Variants in TMEM248 observed in about 807,000 individuals in gnomAD.
The protein encoded by TMEM248 is UPF0458 protein C7orf42.
A neutral mutation model predicts 30.3 loss-of-function variants in TMEM248; 9 were observed. That is an observed-to-expected ratio of 0.30 (90% CI 0.18 to 0.52). The LOEUF (loss-of-function observed/expected upper bound fraction) is 0.52. Ranked by LOEUF, TMEM248 falls within the 20% of genes least tolerant of loss-of-function variation. The pLI is 0.97. For synonymous variants in TMEM248, 184 were observed against 154.4 expected (o/e 1.19, Z -1.42); for missense variants, 338 against 403.3 (o/e 0.84, Z 1.39).
At position 66,944,428 on chromosome 7, in the gene TMEM248, G is replaced by A. The variant is rs539405044; in HGVS notation, c.160-548G>A. ...CCCCTTCCTTTTTGAAATCGTTGCT[G>A]CTCTAAGGTGTCATCAAAAGTCCAT... On this transcript the variant is annotated intron_variant, in intron 2 of 6. Coordinates refer to ENST00000341567, the MANE Select transcript of TMEM248 (RefSeq NM_017994.5). Among the ~76,000 whole-genome samples the A allele has an allele frequency of 2.1e-3, 313 of 152,176 alleles. 1 individual carries two copies. Among genetic ancestry groups the A allele is most frequent in the Non-Finnish European group, 2.7e-3 (186 of 67,986 alleles).
In TMEM248 at chr7:66,953,253, C is replaced by G. The variant is rs1340507013; in HGVS notation, c.808C>G (p.Leu270Val). Residue 270 changes from leucine to valine, a missense_variant, in exon 6 of 7, where the codon CTC becomes GTC. Physicochemically the swap from Leu to Val is conservative, Grantham distance 32. Transcript: ENST00000341567. ...TGACCGTTCATTAATAAATTTGCATCTCATGCACACCAGTTACTTCCTCTT... is the reference window on the plus strand; with the variant it reads ...TGACCGTTCATTAATAAATTTGCATGTCATGCACACCAGTTACTTCCTCTT... ...DDDRSLINLH[L>V]MHTSYFLFVM... is the part of the protein sequence containing the mutation. 6.2e-7 allele frequency: 1 copy of G among 1,614,060 alleles called. No homozygotes were observed. Among genetic ancestry groups the G allele is most frequent in the African/African-American group, 1.3e-5 (1 of 75,024 alleles).
chr7:66,924,377 G>A (rs1316341083), intron 1 of TMEM248, among the ~76,000 whole-genome samples: 3 of 152,154 alleles, frequency 2.0e-5, no homozygotes. Context: ...GACCTCACTG[G>A]CCTCAGCCTT....
chr7:66,945,113 G>A lies in TMEM248; in HGVS notation c.297G>A (p.Gln99=). The change falls in exon 3 of 7, where the codon CAG becomes CAA. Residue 99 remains glutamine (Q), a synonymous_variant. Transcript: ENST00000341567. ...GCGGGCAGGCCCGAGCTTCCACCCA[G>A]TCCCCCCAGGCCCTGGAGGACTCGG... ...MTSGQARAST[Q]SPQALEDSGP... 2.1e-5 allele frequency: 34 copies of A among 1,614,200 alleles called. No homozygotes were observed. Among genetic ancestry groups the A allele is most frequent in the Non-Finnish European group, 2.9e-5 (34 of 1,180,028 alleles).
chr7:66,935,055 CCAAAAAAA>C (rs572655483), intron 1 of TMEM248, among the ~76,000 whole-genome samples: 20 of 151,110 alleles, frequency 1.3e-4, no homozygotes, highest in Middle Eastern at 3.4e-3. Flanking sequence ...ACTCTTGTGT[CCAAAAAAA>C]CAAAAAAACA....
intron 1 of TMEM248, among the ~76,000 whole-genome samples, chr7:66,931,297 C>CAAAAAAAAA (rs758131446): frequency 1.6e-5 from 1 of 64,380 alleles, no homozygotes; most frequent in African/African-American, 5.7e-5. Context: ...GACAATATCT[C>CAAAAAAAAA]AAAAAAAAAA....
intron 1 of TMEM248, among the ~76,000 whole-genome samples, chr7:66,925,277 T>C (rs1168816728): frequency 6.6e-6 from 1 of 152,118 alleles, no homozygotes; most frequent in Non-Finnish European, 1.5e-5. Flanking sequence ...CATCTTGGCC[T>C]CCCAAAATGC....
chr7:66,938,584 C>T (rs935611852), intron 1 of TMEM248, among the ~76,000 whole-genome samples: 1 of 152,148 alleles, frequency 6.6e-6, no homozygotes, highest in Non-Finnish European at 1.5e-5. Flanking sequence ...TCTCGACTTG[C>T]TGCACCTCCG....
Position 66,945,091 on chromosome 7 carries a change from G to A in TMEM248, c.275G>A (p.Gly92Glu). The A allele has an allele frequency of 6.2e-7, 1 of 1,614,206 alleles. No individual in the cohort carries two copies. Among genetic ancestry groups the A allele is most frequent in the Non-Finnish European group, 8.5e-7 (1 of 1,180,044 alleles). Residue 92 changes from glycine to glutamate, a missense_variant, in exon 3 of 7, where the codon GGG (glycine) becomes GAG (glutamate). Transcript: ENST00000341567. ...ACTCCGGAAAGTACAATGACCAGCG[G>A]GCAGGCCCGAGCTTCCACCCAGTCC... ...TTTPESTMTS[G>E]QARASTQSPQ...
At chr7:66,944,946 C>A in intron 2 of TMEM248, 30 bp from the exon 3 acceptor site, 2 of 1,611,534 alleles carry the variant, frequency 1.2e-6, no homozygotes, top group Non-Finnish European at 1.7e-6. Context: ...CTGCTTAACA[C>A]CCATTTCTCT....
In TMEM248 at chr7:66,948,705, C is replaced by T; in HGVS notation, c.596+11C>T. 1 of 1,594,366 alleles carries T rather than the reference C, an allele frequency of 6.3e-7. No individual in the cohort carries two copies. The highest frequency in any genetic ancestry group is 2.3e-5 in the East Asian group (1 of 44,270). Reference sequence around the variant, plus strand: ...GTTCCCCGTCACTGTGTAAGTGTACCCGGCACCTGATGAACGTGCGTAACA... The same window carrying T: ...GTTCCCCGTCACTGTGTAAGTGTACTCGGCACCTGATGAACGTGCGTAACA... On this transcript the variant is annotated intron_variant, in intron 4 of 6. Coordinates refer to ENST00000341567, the MANE Select transcript of TMEM248 (RefSeq NM_017994.5).
intron 1 of TMEM248, among the ~76,000 whole-genome samples, chr7:66,941,037 G>A (rs1426299343): frequency 6.6e-6 from 1 of 151,960 alleles, no homozygotes; most frequent in Non-Finnish European, 1.5e-5. Context: ...ATTGCTTGAG[G>A]CTAGGAGATC....
At chr7:66,944,935 G>T in intron 2 of TMEM248, 41 bp from the exon 3 acceptor site, 2 of 1,604,748 alleles carry the variant, frequency 1.2e-6, no homozygotes, top group Non-Finnish European at 1.7e-6. Context: ...GGAGACAGGC[G>T]CTGCTTAACA....
rs911035592 is a variant in TMEM248 at position 66,940,358 on chromosome 7, A to G, written c.-18-1490A>G. 3.5e-4 allele frequency among the ~76,000 whole-genome samples: 54 copies of G among 152,240 alleles called. 1 individual carries two copies. Among genetic ancestry groups the G allele is most frequent in the Admixed American group, 1.3e-4 (2 of 15,272 alleles). On this transcript the variant is annotated intron_variant, in intron 1 of 6. Transcript: ENST00000341567. ...ATCATGGTCAAAAATGGCAGGAAGC[A>G]TTAAATACTTATGAATAAACTTAAT...
At chr7:66,924,045 CTTATTTTA>C (rs1427107780) in intron 1 of TMEM248, among the ~76,000 whole-genome samples, 1 of 152,230 alleles carries the variant, frequency 6.6e-6, no homozygotes, top group Non-Finnish European at 1.5e-5. Flanking sequence ...CAATGCTTAA[CTTATTTTA>C]TTAAGGACAA....
At chr7:66,952,784 C>G (rs1041635903) in intron 5 of TMEM248, among the ~76,000 whole-genome samples, 1 of 152,078 alleles carries the variant, frequency 6.6e-6, no homozygotes, top group African/African-American at 2.4e-5. Flanking sequence ...GGTGAGGTGC[C>G]GAGGCCTTCC....
At chr7:66,927,782 G>A (rs1043633581) in intron 1 of TMEM248, among the ~76,000 whole-genome samples, 2 of 151,922 alleles carry the variant, frequency 1.3e-5, no homozygotes, top group Non-Finnish European at 2.9e-5. Flanking sequence ...TTAAACGTGA[G>A]TTATTGTGAA....
At chr7:66,936,858 C>T (rs900358872) in intron 1 of TMEM248, among the ~76,000 whole-genome samples, 1 of 151,996 alleles carries the variant, frequency 6.6e-6, no homozygotes, top group African/African-American at 2.4e-5. Context: ...TTTCTGACTT[C>T]ATCTGGTTCA....
intron 3 of TMEM248, 139 bp downstream of exon 3, chr7:66,945,400 A>G (rs1419945901): frequency 5.5e-6 from 5 of 906,938 alleles, no homozygotes; most frequent in Admixed American, 5.1e-5. Context: ...AGTTTGAACT[A>G]CATGAACCAT....
chr7:66,947,476 C>T (rs1265996975), intron 3 of TMEM248, among the ~76,000 whole-genome samples: 1 of 152,012 alleles, frequency 6.6e-6, no homozygotes, highest in South Asian at 2.1e-4. Context: ...AATCTTGGCT[C>T]ACTGCAACCT....
Sources: allele counts gnomAD v4.1 joint callset (sites outside exome capture counted in the v4.1 genomes callset), GRCh38; gene constraint gnomAD v4.1.1; transcripts MANE v1.5; gene names NCBI Gene and HGNC (gene_info 2026-07-23, HGNC 2026-07-21).